Variants in CACNA1G observed in about 807,000 individuals in gnomAD.
The protein encoded by CACNA1G is calcium voltage-gated channel subunit alpha1 G.
Under a neutral mutation model 219.4 loss-of-function variants are expected in CACNA1G, and 67 were observed. The ratio of observed to expected loss-of-function variants is 0.31; its 90% CI spans 0.25 to 0.37. The LOEUF (loss-of-function observed/expected upper bound fraction) is 0.37. Ranked by LOEUF, CACNA1G falls within the 10% of genes least tolerant of loss-of-function variation. The pLI is 1.00. For synonymous variants in CACNA1G, 1,296 were observed against 1,345.3 expected, an observed-to-expected ratio of 0.96 and a Z score of 0.80; for missense variants, 2,380 against 3,231.4, an observed-to-expected ratio of 0.74 and a Z score of 6.39.
At chr17:50,598,578 C>G (rs2046008226) in intron 16 of CACNA1G, among the ~76,000 whole-genome samples, 1 of 152,244 alleles carries the variant, frequency 6.6e-6, no homozygotes. Flanking sequence ...CAACAGGACA[C>G]AAGGGTTCCC....
intron 1 of CACNA1G, among the ~76,000 whole-genome samples, chr17:50,565,631 C>T (rs2037594116): frequency 2.0e-5 from 3 of 152,122 alleles, no homozygotes; most frequent in Non-Finnish European, 4.4e-5. Context: ...GGGAATGGGG[C>T]CGCTGGAGGG....
Position 50,626,032 on chromosome 17 carries a change from G to A in CACNA1G, c.6415G>A (p.Asp2139Asn), listed in dbSNP as rs1471879892. 6.2e-7 allele frequency: 1 copy of A among 1,610,460 alleles called. No individual in the cohort carries two copies. The highest frequency in any genetic ancestry group is 8.5e-7 in the Non-Finnish European group (1 of 1,177,624). ...CCCCATATAGGCAGCAATAAGGACT[G>A]ACTCCTTGGACGTTCAGGGTCTGGG... ...PLRRQAAIRTDSLDVQGLGSR... is the reference protein window; with the variant it reads ...PLRRQAAIRTNSLDVQGLGSR... Residue 2139 changes from aspartate to asparagine, a missense_variant, in exon 38 of 38, where the codon GAC (aspartate) becomes AAC (asparagine). By Grantham distance (23) the Asp-to-Asn change is conservative. Coordinates refer to ENST00000359106, the MANE Select transcript of CACNA1G (RefSeq NM_018896.5). This position sits in a 1 kb window ranked among gnomAD's most constrained non-coding sequence, Gnocchi z 4.3.
At chr17:50,573,507 C>T (rs1428932462) in intron 7 of CACNA1G, 1 of 169,364 alleles carries the variant, frequency 5.9e-6, no homozygotes, top group Non-Finnish European at 1.3e-5. Context: ...ACTCACATAT[C>T]ATTCAATTCA....
chr17:50,627,116 C>T lies in CACNA1G; in HGVS notation c.*365C>T, dbSNP rs1199164424. ...TTTTGTGACTGAAGAGACTTGTTTC[C>T]TTCTACTTTTATGTGTCTCAGAATA... On this transcript the variant is annotated 3_prime_UTR_variant, in exon 38 of 38. Coordinates refer to ENST00000359106, the MANE Select transcript of CACNA1G (RefSeq NM_018896.5). The T allele has an allele frequency of 2.1e-6, 1 of 467,632 alleles. No individual in the cohort carries two copies. The highest frequency in any genetic ancestry group is 2.0e-5 in the African/African-American group (1 of 50,504). 29.0% of individuals were successfully genotyped at this position (467,632 alleles called of 1,614,324 possible).
At position 50,616,390 on chromosome 17, in the gene CACNA1G, G is replaced by A. The variant is rs777042089; in HGVS notation, c.5021+6G>A. 27 of 1,553,724 alleles carry A rather than the reference G, an allele frequency of 1.7e-5. No individual in the cohort carries two copies. The highest frequency in any genetic ancestry group is 1.6e-4 in the East Asian group (7 of 44,510). ...CGTCGGTTCTTCCAGGACAGGTAAC[G>A]GAGAAAAGGGGGGTCTTGGGGACTT... is the stretch of plus-strand genomic sequence containing the variant. On this transcript the variant is annotated splice_donor_region_variant and intron_variant, in intron 28 of 37. Coordinates refer to ENST00000359106, the MANE Select transcript of CACNA1G (RefSeq NM_018896.5).
Position 50,626,745 on chromosome 17 carries a change from C to A in CACNA1G, c.7128C>A (p.Asp2376Glu). The stretch of plus-strand genomic sequence containing the variant: ...TATCCTCTGACCCAGCAGACCTGGA[C>A]CCCTGAGTCCTGCCCCACTTTCCCA... The part of the protein sequence containing the change: ...SGLSSDPADL[D>E]P The change falls in exon 38 of 38, where the codon GAC becomes GAA. Residue 2376 changes from aspartate to glutamate, a missense_variant. This residue lies in a region of CACNA1G where 672 missense variants were observed against 670.5 expected (regional missense o/e 1.00). Transcript: ENST00000359106. The surrounding 1 kb of genome is among the most constrained non-coding windows in gnomAD (Gnocchi z 4.3). 5.6e-6 allele frequency: 9 copies of A among 1,613,098 alleles called. No individual in the cohort carries two copies. The highest frequency in any genetic ancestry group is 7.6e-6 in the Non-Finnish European group (9 of 1,179,880).
chr17:50,596,829 G>T lies in CACNA1G; in HGVS notation c.3164G>T (p.Ser1055Ile). The T allele has an allele frequency of 1.9e-6, 3 of 1,608,878 alleles. No individual in the cohort carries two copies. Among genetic ancestry groups the T allele is most frequent in the Non-Finnish European group, 2.5e-6 (3 of 1,178,664 alleles). ...ATPMSLPKST[S>I]TGLGEALGPA... ...CCCATGTCGCTGCCCAAGAGCACCA[G>T]CACGGGCCTGGGCGAGGCGCTGGGC... Residue 1055 changes from serine to isoleucine, a missense_variant, in exon 16 of 38, where the codon AGC becomes ATC. Ser to Ile is a moderately radical substitution (Grantham distance 142). Transcript: ENST00000359106. This position sits in a 1 kb window ranked among gnomAD's most constrained non-coding sequence, Gnocchi z 4.8.
intron 26 of CACNA1G, among the ~76,000 whole-genome samples, chr17:50,614,113 G>T (rs539582997): frequency 3.4e-4 from 52 of 152,282 alleles, no homozygotes; most frequent in African/African-American, 1.2e-3. Flanking sequence ...TGCAATACCT[G>T]GGTGCTCTTC....
intron 22 of CACNA1G, among the ~76,000 whole-genome samples, chr17:50,604,616 G>A (rs921309872): frequency 1.3e-5 from 2 of 152,190 alleles, no homozygotes; most frequent in African/African-American, 4.8e-5. Context: ...TTCCCGGCTC[G>A]AGCACAGTGG....
chr17:50,601,005 C>T (rs747928744), intron 18 of CACNA1G, 46 bp from the exon 19 acceptor site: 15 of 1,603,766 alleles, frequency 9.4e-6, no homozygotes, highest in African/African-American at 1.3e-5. Context: ...CTCGTTGCCA[C>T]CTGCCCTGCC....
chr17:50,607,802 G>T (rs374453481), intron 24 of CACNA1G, 25 bp from the exon 25 acceptor site: 4 of 1,608,052 alleles, frequency 2.5e-6, no homozygotes, highest in African/African-American at 2.7e-5. Flanking sequence ...TGATGCCTCC[G>T]CCTGTCCTTC....
chr17:50,570,867 G>C (rs1374933484), intron 4 of CACNA1G, among the ~76,000 whole-genome samples: 1 of 152,204 alleles, frequency 6.6e-6, no homozygotes, highest in African/African-American at 2.4e-5. Context: ...GGGCTGGCAG[G>C]GGCGAGGCTG....
intron 35 of CACNA1G, 27 bp from the exon 36 acceptor site, chr17:50,623,880 C>T (rs763545147): frequency 8.7e-5 from 138 of 1,593,076 alleles, no homozygotes; most frequent in Non-Finnish European, 1.1e-4. Flanking sequence ...CCTCTTCCTC[C>T]ACCTCCCTCC....
intron 9 of CACNA1G, among the ~76,000 whole-genome samples, chr17:50,579,364 C>A (rs1434490087): frequency 1.3e-5 from 2 of 152,048 alleles, no homozygotes; most frequent in Non-Finnish European, 2.9e-5. Flanking sequence ...TTCTAACCCT[C>A]AGAGCTATGC....
intron 26 of CACNA1G, among the ~76,000 whole-genome samples, chr17:50,611,377 A>G (rs576923780): frequency 3.5e-4 from 53 of 152,072 alleles, no homozygotes; most frequent in Non-Finnish European, 6.3e-4. Flanking sequence ...GGAAGCTAGA[A>G]TCAGGCAGAT....
intron 37 of CACNA1G, among the ~76,000 whole-genome samples, chr17:50,625,421 A>G (rs1383401959): frequency 2.0e-5 from 3 of 152,348 alleles, no homozygotes; most frequent in African/African-American, 7.2e-5. Context: ...CTGGCGACAC[A>G]GCCCCTGCCC....
In CACNA1G at chr17:50,575,776, A is replaced by C; in HGVS notation, c.1374A>C (p.Ala458=). The C allele has an allele frequency of 6.4e-7, 1 of 1,556,556 alleles. No individual in the cohort carries two copies. Among genetic ancestry groups the C allele is most frequent in the Non-Finnish European group, 8.7e-7 (1 of 1,150,318 alleles). The change falls in exon 8 of 38, where the codon GCA becomes GCC. Residue 458 remains alanine, a synonymous_variant. Coordinates refer to ENST00000359106, the MANE Select transcript of CACNA1G (RefSeq NM_018896.5). ...GGCTGGCTCAGGTCTCTCGGGCAGC[A>C]GGTGTGCGGGTTGGGCTGCTCAGCA... is the stretch of plus-strand genomic sequence containing the variant. ...ARRLAQVSRA[A]GVRVGLLSSP...
Position 50,591,544 on chromosome 17 carries a change from C to T in CACNA1G, c.2563C>T (p.Leu855=). ...VRFLPALQRQ[L]VVLMKTMDNV... The stretch of plus-strand genomic sequence containing the variant: ...CTTCCTGCCGGCGCTGCAGCGGCAG[C>T]TGGTGGTGCTCATGAAGACCATGGA... Residue 855 remains leucine, a synonymous_variant, in exon 11 of 38, where the codon CTG becomes TTG. Transcript: ENST00000359106. 6.2e-7 allele frequency: 1 copy of T among 1,612,552 alleles called. No individual in the cohort carries two copies. The highest frequency in any genetic ancestry group is 1.7e-5 in the Admixed American group (1 of 59,812).
rs368570322 is a variant in CACNA1G at position 50,591,612 on chromosome 17, C to T, written c.2631C>T (p.Phe877=). The T allele has an allele frequency of 2.0e-5, 33 of 1,613,100 alleles. No homozygotes were observed. The highest frequency in any genetic ancestry group is 2.5e-5 in the Non-Finnish European group (30 of 1,179,594). ...GCATGCTGCTTATGCTCTTCATCTTCATCTTCAGGTGAGGGCGGCATGGCA... is the reference window on the plus strand; with the variant it reads ...GCATGCTGCTTATGCTCTTCATCTTTATCTTCAGGTGAGGGCGGCATGGCA... ...TFCMLLMLFI[F]IFSILGMHLF... is the part of the protein sequence containing the mutation. Residue 877 remains phenylalanine, a synonymous_variant, in exon 11 of 38, where the codon TTC becomes TTT. Transcript: ENST00000359106.
Sources: allele counts gnomAD v4.1 joint callset (sites outside exome capture counted in the v4.1 genomes callset), GRCh38; gene constraint gnomAD v4.1.1; regional missense constraint gnomAD v4.1.1; non-coding constraint Gnocchi (gnomAD v3.1); transcripts MANE v1.5; gene names NCBI Gene and HGNC (gene_info 2026-07-23, HGNC 2026-07-21).